GRIK2: variants seen among roughly 807,000 people sequenced by gnomAD.
The protein encoded by GRIK2 is glutamate ionotropic receptor kainate type subunit 2, also known as glutamate receptor ionotropic, kainate 2.
A neutral mutation model predicts 100.3 loss-of-function variants in GRIK2; 32 were observed. The ratio of observed to expected loss-of-function variants is 0.32; its 90% confidence interval spans 0.24 to 0.43. GRIK2 has a LOEUF of 0.43. Among genes scored for constraint, GRIK2 ranks in the 20% least tolerant of loss-of-function variants. The pLI is 1.00. For synonymous variants in GRIK2, 417 were observed against 389.4 expected, an observed-to-expected ratio of 1.07 and a Z score of -0.83; for missense variants, 843 against 1,114.9, an observed-to-expected ratio of 0.76 and a Z score of 3.47.
At chr6:101,646,133 C>T (rs1195122855) in intron 4 of GRIK2, among the ~76,000 whole-genome samples, 6 of 151,848 alleles carry the variant, frequency 4.0e-5, no homozygotes, top group African/African-American at 1.2e-4. Context: ...GCAGAGAATG[C>T]GTTTTCTTTA....
chr6:101,624,179 C>G (rs1026086782), intron 3 of GRIK2, among the ~76,000 whole-genome samples: 2 of 151,958 alleles, frequency 1.3e-5, no homozygotes, highest in African/African-American at 4.8e-5. Context: ...TTTTAAATAA[C>G]TCTTCTGATA....
chr6:101,724,013 T>G lies in GRIK2; in HGVS notation c.951+37660T>G, dbSNP rs191969761. On this transcript the variant is annotated intron_variant, in intron 7 of 16. Coordinates refer to ENST00000369134, the MANE Select transcript of GRIK2 (RefSeq NM_021956.5). Reference sequence around the variant, plus strand: ...TGAAATTTCTCTTCTCTCAAGAAAGTTGTAGACTAGCCATATTTATCTTAG... The same window carrying G: ...TGAAATTTCTCTTCTCTCAAGAAAGGTGTAGACTAGCCATATTTATCTTAG... Among the ~76,000 whole-genome samples, 300 of 151,876 alleles carry G rather than the reference T, an allele frequency of 2.0e-3. 2 individuals carry two copies. Among genetic ancestry groups the G allele is most frequent in the African/African-American group, 6.7e-3 (276 of 41,406 alleles).
chr6:101,742,561 C>G (rs1776106828), intron 7 of GRIK2, among the ~76,000 whole-genome samples: 1 of 152,122 alleles, frequency 6.6e-6, no homozygotes, highest in Non-Finnish European at 1.5e-5. Flanking sequence ...AGACATTAAT[C>G]AAATACATTT....
At chr6:101,508,876 C>T (rs13194955) in intron 2 of GRIK2, among the ~76,000 whole-genome samples, 18,490 of 152,130 alleles carry the variant, frequency 0.12, 1,418 homozygotes, top group Middle Eastern at 0.2. Flanking sequence ...GTGTTGTAGG[C>T]TGGGCGTGGT....
chr6:101,552,451 T>A (rs182027771), intron 2 of GRIK2, among the ~76,000 whole-genome samples: 270 of 152,236 alleles, frequency 1.8e-3, no homozygotes, highest in Non-Finnish European at 2.2e-3. Flanking sequence ...CTGGGTTTCT[T>A]TAGGGTAAAT....
chr6:101,622,486 A>G (rs1304678664), intron 3 of GRIK2, among the ~76,000 whole-genome samples: 1 of 152,024 alleles, frequency 6.6e-6, no homozygotes, highest in African/African-American at 2.4e-5. Context: ...CAATCCCATT[A>G]TATTATTACT....
At chr6:101,761,863 T>C (rs1199347260) in intron 7 of GRIK2, among the ~76,000 whole-genome samples, 2 of 133,548 alleles carry the variant, frequency 1.5e-5, no homozygotes, top group Non-Finnish European at 3.1e-5. Flanking sequence ...CTTCCTTTCC[T>C]TTCCCCTCCC....
At chr6:101,665,319 G>C (rs914719053) in intron 4 of GRIK2, among the ~76,000 whole-genome samples, 1 of 152,132 alleles carries the variant, frequency 6.6e-6, no homozygotes, top group African/African-American at 2.4e-5. Context: ...ACTGCATTCT[G>C]TTCTCCATGC....
intron 7 of GRIK2, among the ~76,000 whole-genome samples, chr6:101,690,332 T>C (rs1772003893): frequency 6.6e-6 from 1 of 152,180 alleles, no homozygotes; most frequent in Non-Finnish European, 1.5e-5. Flanking sequence ...TGGGTTTCTA[T>C]AGGGATATTA....
At chr6:101,692,124 C>T (rs1772153588) in intron 7 of GRIK2, among the ~76,000 whole-genome samples, 1 of 149,886 alleles carries the variant, frequency 6.7e-6, no homozygotes, top group African/African-American at 2.5e-5. Flanking sequence ...CAGGCTTTTT[C>T]ATTTACTGCT....
chr6:101,930,327 A>G (rs1790180009), intron 14 of GRIK2, among the ~76,000 whole-genome samples: 2 of 142,218 alleles, frequency 1.4e-5, no homozygotes, highest in African/African-American at 2.7e-5. Context: ...GGGCAACTGG[A>G]GTGCAATCCT....
At chr6:101,731,195 A>G (rs540054602) in intron 7 of GRIK2, among the ~76,000 whole-genome samples, 1 of 152,092 alleles carries the variant, frequency 6.6e-6, no homozygotes, top group South Asian at 2.1e-4. Context: ...TCTTTGATCA[A>G]TGGACAATTC....
At chr6:101,914,783 A>G (rs1210071975) in intron 12 of GRIK2, among the ~76,000 whole-genome samples, 1 of 151,636 alleles carries the variant, frequency 6.6e-6, no homozygotes, top group Non-Finnish European at 1.5e-5. Context: ...AATTGAACCA[A>G]ATATATTTAC....
chr6:101,861,501 G>A (rs1463485186), intron 11 of GRIK2, among the ~76,000 whole-genome samples: 1 of 152,126 alleles, frequency 6.6e-6, no homozygotes. Context: ...TATATGTTGT[G>A]AATGGCAGTT....
chr6:101,767,010 G>A (rs1778082814), intron 7 of GRIK2, among the ~76,000 whole-genome samples: 1 of 152,066 alleles, frequency 6.6e-6, no homozygotes, highest in Non-Finnish European at 1.5e-5. Flanking sequence ...TAGCAATCTT[G>A]GTGCCTAACT....
intron 2 of GRIK2, among the ~76,000 whole-genome samples, chr6:101,598,554 T>G (rs1779035448): frequency 6.7e-6 from 1 of 148,366 alleles, no homozygotes; most frequent in African/African-American, 2.5e-5. Context: ...TAAATATTAT[T>G]TTACATTTTT....
chr6:102,006,212 T>TA (rs1230986656), intron 14 of GRIK2, among the ~76,000 whole-genome samples: 2 of 151,674 alleles, frequency 1.3e-5, no homozygotes, highest in Non-Finnish European at 2.9e-5. Context: ...CATTGTGTAA[T>TA]AAAAAATAAA....
chr6:101,959,531 A>G (rs1792152195), intron 14 of GRIK2, among the ~76,000 whole-genome samples: 1 of 152,020 alleles, frequency 6.6e-6, no homozygotes, highest in Non-Finnish European at 1.5e-5. Context: ...TCAAAAAGCC[A>G]ATTTTTATTT....
intron 2 of GRIK2, among the ~76,000 whole-genome samples, chr6:101,424,172 AT>A (rs11288709): frequency 0.026 from 3,999 of 150,952 alleles, 157 homozygotes; most frequent in African/African-American, 0.09. Context: ...AATTTTTTTT[AT>A]TTTTTTTTAT....
Sources: allele counts gnomAD v4.1 joint callset (sites outside exome capture counted in the v4.1 genomes callset), GRCh38; gene constraint gnomAD v4.1.1; transcripts MANE v1.5; gene names NCBI Gene and HGNC (gene_info 2026-07-23, HGNC 2026-07-21).